Variants in PLOD2 observed in about 807,000 individuals in gnomAD.
PLOD2 encodes the protein lysine hydroxylase 2.
PLOD2 carries 65 observed loss-of-function variants against 101.0 expected under a neutral mutation model. The ratio of observed to expected loss-of-function variants is 0.64; its 90% CI spans 0.53 to 0.79. PLOD2 has a LOEUF of 0.79. Ranked by LOEUF, PLOD2 falls within the 30% of genes least tolerant of loss-of-function variation. PLOD2 has a pLI of 0.00. For synonymous variants in PLOD2, 314 were observed against 302.9 expected, an observed-to-expected ratio of 1.04 and a Z score of -0.38; for missense variants, 909 against 914.6, an observed-to-expected ratio of 0.99 and a Z score of 0.08.
At chr3:146,150,806 A>G (rs889447335) in intron 1 of PLOD2, among the ~76,000 whole-genome samples, 2 of 152,230 alleles carry the variant, frequency 1.3e-5, no homozygotes, top group Non-Finnish European at 2.9e-5. Context: ...ACAGATGAAT[A>G]TAAGTTTATT....
intron 3 of PLOD2, among the ~76,000 whole-genome samples, chr3:146,112,808 G>C (rs142940094): frequency 0.019 from 2,865 of 147,112 alleles, 86 homozygotes; most frequent in African/African-American, 0.068. Flanking sequence ...CTGAGATCAT[G>C]CCACTGCACT....
chr3:146,071,447 A>G, intron 17 of PLOD2, 24 bp from the exon 18 acceptor site: 3 of 1,607,952 alleles, frequency 1.9e-6, no homozygotes, highest in Non-Finnish European at 2.6e-6. Context: ...TAATGACATA[A>G]TAAGCTGTAC....
intron 1 of PLOD2, among the ~76,000 whole-genome samples, chr3:146,157,207 C>T (rs2032341270): frequency 6.6e-6 from 1 of 152,150 alleles, no homozygotes; most frequent in South Asian, 2.1e-4. Flanking sequence ...AGGCCAGAAA[C>T]TCAGTAAGCA....
chr3:146,148,367 C>CACACA (rs1553742453), intron 1 of PLOD2, among the ~76,000 whole-genome samples: 1 of 151,698 alleles, frequency 6.6e-6, no homozygotes, highest in Non-Finnish European at 1.5e-5. Context: ...CACACACACA[C>CACACA]ACTTTTCACT....
At chr3:146,122,597 A>G (rs2030243460) in intron 2 of PLOD2, among the ~76,000 whole-genome samples, 1 of 152,142 alleles carries the variant, frequency 6.6e-6, no homozygotes, top group Non-Finnish European at 1.5e-5. Context: ...CTTTCTTATC[A>G]GTAGCCAGGC....
At position 146,085,509 on chromosome 3, in the gene PLOD2, T is replaced by G. The variant is rs187507559; in HGVS notation, c.1128-236A>C. On this transcript the variant is annotated intron_variant, in intron 10 of 19. Transcript: ENST00000282903. ...CTAAAATTTTAAGCCAGTTAAAATA[T>G]ATTTTCAAGCCAGTAAATATTTTAA... 9.4e-6 allele frequency: 5 copies of G among 530,592 alleles called. No homozygotes were observed. The African/African-American group carries it at 9.7e-5, about 10-fold the overall frequency. 32.9% of individuals were successfully genotyped at this position (530,592 alleles called of 1,614,324 possible). A position where few individuals can be genotyped will look rare whatever the true frequency, so the allele number is the denominator to read the frequency against.
chr3:146,111,065 TTTAA>T (rs1333189219), intron 3 of PLOD2, among the ~76,000 whole-genome samples: 2 of 152,140 alleles, frequency 1.3e-5, no homozygotes, highest in Non-Finnish European at 2.9e-5. Context: ...GACACTATAA[TTTAA>T]TTAATATAAT....
At chr3:146,072,772 A>T (rs1161062660) in intron 16 of PLOD2, 107 bp from the exon 17 acceptor site, 1 of 733,582 alleles carries the variant, frequency 1.4e-6, no homozygotes, top group Non-Finnish European at 2.4e-6. Flanking sequence ...ATGACTAGGA[A>T]ACATAGTTTT....
intron 7 of PLOD2, among the ~76,000 whole-genome samples, chr3:146,101,021 G>A (rs1410649268): frequency 1.3e-5 from 2 of 152,092 alleles, no homozygotes; most frequent in African/African-American, 4.8e-5. Context: ...TTAGAACAGA[G>A]GGCTTTTGGA....
At chr3:146,083,924 A>G (rs1936667300) in intron 11 of PLOD2, among the ~76,000 whole-genome samples, 1 of 151,806 alleles carries the variant, frequency 6.6e-6, no homozygotes, top group Non-Finnish European at 1.5e-5. Context: ...TTTAATATTA[A>G]GAGGGATATA....
chr3:146,097,795 T>TAAAAAA (rs753043092), intron 7 of PLOD2, among the ~76,000 whole-genome samples: 15 of 127,036 alleles, frequency 1.2e-4, no homozygotes, highest in African/African-American at 3.3e-4. Flanking sequence ...GAATGATCAA[T>TAAAAAA]AAAAAAAAAA....
intron 1 of PLOD2, among the ~76,000 whole-genome samples, chr3:146,137,630 A>G (rs945007412): frequency 1.3e-5 from 2 of 152,164 alleles, no homozygotes; most frequent in Non-Finnish European, 2.9e-5. Flanking sequence ...CTTTTCAAGC[A>G]TTAGCATGGA....
At chr3:146,150,218 G>A (rs151221406) in intron 1 of PLOD2, among the ~76,000 whole-genome samples, 10 of 152,044 alleles carry the variant, frequency 6.6e-5, no homozygotes, top group African/African-American at 1.4e-4. Context: ...AACTGATTTC[G>A]TTTTTATTTG....
At chr3:146,084,495 T>C (rs927516288) in intron 11 of PLOD2, among the ~76,000 whole-genome samples, 2 of 152,138 alleles carry the variant, frequency 1.3e-5, no homozygotes, top group South Asian at 4.1e-4. Context: ...TTCTATTTAT[T>C]ATGAGAAATA....
intron 7 of PLOD2, among the ~76,000 whole-genome samples, chr3:146,094,651 T>A (rs538788781): frequency 7.9e-5 from 12 of 152,312 alleles, no homozygotes; most frequent in Non-Finnish European, 1.5e-4. Flanking sequence ...CTGTCCAAAG[T>A]AATTTATAGA....
chr3:146,115,750 C>T (rs372978015), intron 3 of PLOD2, among the ~76,000 whole-genome samples: 19 of 152,168 alleles, frequency 1.2e-4, no homozygotes, highest in African/African-American at 2.2e-4. Flanking sequence ...TGGCCTAAAG[C>T]GGGAGTCAGT....
chr3:146,136,658 T>C (rs1409064660), intron 1 of PLOD2, among the ~76,000 whole-genome samples: 1 of 152,196 alleles, frequency 6.6e-6, no homozygotes, highest in African/African-American at 2.4e-5. Context: ...TCTAGTGATA[T>C]AGTAGCAGTC....
At chr3:146,121,388 A>T in intron 2 of PLOD2, 140 bp from the exon 3 acceptor site, 1 of 743,140 alleles carries the variant, frequency 1.3e-6, no homozygotes, top group African/African-American at 1.8e-5. Flanking sequence ...TGATTCTAGA[A>T]AAAAAAATCT....
intron 7 of PLOD2, among the ~76,000 whole-genome samples, chr3:146,093,818 G>A (rs777575923): frequency 2.0e-5 from 3 of 152,078 alleles, no homozygotes; most frequent in Non-Finnish European, 4.4e-5. Flanking sequence ...ATGATCACTA[G>A]TTTTAAAATG....
Sources: gnomAD v4.1 joint callset for allele counts (sites outside exome capture counted in the v4.1 genomes callset) on GRCh38, gnomAD v4.1.1 for gene constraint, MANE v1.5 for transcripts, NCBI Gene and HGNC (gene_info 2026-07-23, HGNC 2026-07-21) for gene names.